CLDN16: variants seen among roughly 807,000 people sequenced by gnomAD.
The protein encoded by CLDN16 is claudin-16.
CLDN16 carries 13 observed loss-of-function variants against 24.6 expected under a neutral mutation model. That is an observed-to-expected ratio of 0.53 (90% confidence interval 0.34 to 0.84). The LOEUF (loss-of-function observed/expected upper bound fraction) is 0.84. Ranked by LOEUF, CLDN16 falls within the 40% of genes least tolerant of loss-of-function variation. The probability of loss-of-function intolerance (pLI) is 0.01; values close to 1 mark genes in which losing one functional copy is unlikely to be tolerated. For missense variants in CLDN16, 298 were observed against 292.7 expected (o/e 1.02, Z -0.13); for synonymous variants, 116 against 106.7 (o/e 1.09, Z -0.54).
chr3:190,352,045 A>G (rs144671701), intron 1 of CLDN16, among the ~76,000 whole-genome samples: 105 of 152,156 alleles, frequency 6.9e-4, no homozygotes, highest in African/African-American at 2.3e-3. Context: ...TTGAGAACAC[A>G]CAGGTAATTA....
chr3:190,346,253 T>C (rs1381348499), intron 1 of CLDN16, among the ~76,000 whole-genome samples: 1 of 151,806 alleles, frequency 6.6e-6, no homozygotes, highest in Non-Finnish European at 1.5e-5. Context: ...AGAAGTTCTG[T>C]TTGCTTAGGG....
chr3:190,327,586 G>C (rs1290402243), intron 1 of CLDN16, among the ~76,000 whole-genome samples: 1 of 152,242 alleles, frequency 6.6e-6, no homozygotes, highest in African/African-American at 2.4e-5. Context: ...GCAAAAAGCA[G>C]AGTTGGCCTC....
At chr3:190,394,729 A>G (rs1404332954) in intron 1 of CLDN16, among the ~76,000 whole-genome samples, 1 of 152,184 alleles carries the variant, frequency 6.6e-6, no homozygotes, top group African/African-American at 2.4e-5. Flanking sequence ...TGAATATATT[A>G]ATGATATGAG....
In CLDN16 at chr3:190,388,265, G is replaced by A. The variant is rs558573665; in HGVS notation, c.-65G>A. 7 of 1,609,188 alleles carry A rather than the reference G, an allele frequency of 4.4e-6. No homozygotes were observed. Among genetic ancestry groups the A allele is most frequent in the East Asian group, 2.2e-5 (1 of 44,862 alleles). On this transcript the variant is annotated 5_prime_UTR_variant, in exon 1 of 5. Transcript: ENST00000264734. Reference sequence around the variant, plus strand: ...CCAGAAACACAGAAGACTGACACCCGCCACTTAAGTGGGGCCAGGGCTGGT... The same window carrying A: ...CCAGAAACACAGAAGACTGACACCCACCACTTAAGTGGGGCCAGGGCTGGT...
At chr3:190,292,993 C>A in the CLDN16 span, among the ~76,000 whole-genome samples, 1 of 152,226 alleles carries the variant, frequency 6.6e-6, no homozygotes, top group Non-Finnish European at 1.5e-5. Flanking sequence ...TTTTCTGCAT[C>A]TTTATAGCAG....
chr3:190,303,446 C>T, the CLDN16 span, among the ~76,000 whole-genome samples: 1 of 152,186 alleles, frequency 6.6e-6, no homozygotes, highest in African/African-American at 2.4e-5. Context: ...GAGATCTGAG[C>T]ACAGTTTTCA....
chr3:190,390,052 G>A (rs1718610565), intron 1 of CLDN16, among the ~76,000 whole-genome samples: 1 of 152,120 alleles, frequency 6.6e-6, no homozygotes, highest in Admixed American at 6.5e-5. Context: ...TTTCATTTTA[G>A]TATAACCAAC....
At position 190,350,912 on chromosome 3, in the gene CLDN16, A is replaced by AT. The variant is rs201659312; in HGVS notation, n.122-19979dup. On this transcript the variant is annotated intron_variant and non_coding_transcript_variant, in intron 1 of 4. Transcript: ENST00000468220. ...CTTCTTCATTCTGGGCCAGACTTGC[A>AT]TTGTGGTCTGTGATATGGTTTGGAG... Among the ~76,000 whole-genome samples, 1,449 of 152,174 alleles carry AT rather than the reference A, an allele frequency of 9.5e-3. 24 individuals carry two copies. Among genetic ancestry groups the AT allele is most frequent in the African/African-American group, 0.034 (1,403 of 41,510 alleles).
chr3:190,327,037 T>G (rs1717078527), intron 1 of CLDN16, among the ~76,000 whole-genome samples: 1 of 152,132 alleles, frequency 6.6e-6, no homozygotes, highest in African/African-American at 2.4e-5. Context: ...TGTGTATTTG[T>G]GTGTCTGTGG....
intron 1 of CLDN16, among the ~76,000 whole-genome samples, chr3:190,388,768 A>G (rs1475023742): frequency 1.3e-5 from 2 of 152,174 alleles, no homozygotes; most frequent in African/African-American, 4.8e-5. Flanking sequence ...TGCATATATC[A>G]TATTGAGTAA....
chr3:190,314,199 T>C, the CLDN16 span, among the ~76,000 whole-genome samples: 1 of 152,188 alleles, frequency 6.6e-6, no homozygotes, highest in Non-Finnish European at 1.5e-5. Context: ...TCTTTAAAAG[T>C]GGCTGAGATG....
chr3:190,340,844 T>C (rs143827701), intron 1 of CLDN16, among the ~76,000 whole-genome samples: 5,966 of 152,224 alleles, frequency 0.039, 392 homozygotes, highest in African/African-American at 0.13. Flanking sequence ...TGGGTAAATA[T>C]AGCCATTCCA....
At chr3:190,373,623 A>T (rs776171343) in intron 2 of CLDN16, among the ~76,000 whole-genome samples, 1 of 151,924 alleles carries the variant, frequency 6.6e-6, no homozygotes, top group African/African-American at 2.4e-5. Flanking sequence ...TGCCTTAAAT[A>T]ATGCTGTTGT....
chr3:190,326,069 A>T (rs1490618770), intron 1 of CLDN16, among the ~76,000 whole-genome samples: 1 of 152,182 alleles, frequency 6.6e-6, no homozygotes, highest in Non-Finnish European at 1.5e-5. Context: ...CATTACTGCC[A>T]CTTAAAGTAA....
At chr3:190,376,497 A>G (rs145324470) in intron 3 of CLDN16, among the ~76,000 whole-genome samples, 328 of 152,054 alleles carry the variant, frequency 2.2e-3, no homozygotes, top group African/African-American at 7.6e-3. Context: ...AAAAATCAAC[A>G]AAAGCATCTT....
At chr3:190,379,787 C>T (rs1054428320) in intron 3 of CLDN16, among the ~76,000 whole-genome samples, 2 of 152,076 alleles carry the variant, frequency 1.3e-5, no homozygotes, top group African/African-American at 2.4e-5. Context: ...TTTAGGAACA[C>T]TCCCTTCTTT....
chr3:190,381,507 C>T (rs746088529), intron 3 of CLDN16, among the ~76,000 whole-genome samples: 1 of 152,052 alleles, frequency 6.6e-6, no homozygotes, highest in African/African-American at 2.4e-5. Context: ...TCTGGACATA[C>T]CAAAGTACTC....
chr3:190,395,170 A>G (rs901180842), intron 1 of CLDN16, among the ~76,000 whole-genome samples: 1 of 152,112 alleles, frequency 6.6e-6, no homozygotes, highest in African/African-American at 2.4e-5. Context: ...GTTCAGATAT[A>G]TAACGTAGGT....
the CLDN16 span, among the ~76,000 whole-genome samples, chr3:190,303,071 CTTCA>C: frequency 6.6e-6 from 1 of 151,880 alleles, no homozygotes; most frequent in Non-Finnish European, 1.5e-5. Flanking sequence ...TTTCTACTTT[CTTCA>C]TTAATAAGTT....
Sources: gnomAD v4.1 joint callset for allele counts (sites outside exome capture counted in the v4.1 genomes callset) on GRCh38, gnomAD v4.1.1 for gene constraint, MANE v1.5 for transcripts, NCBI Gene and HGNC (gene_info 2026-07-23, HGNC 2026-07-21) for gene names.